The following DNAH6 variants were observed in gnomAD, a reference collection of about 807,000 sequenced individuals.
DNAH6 encodes the protein axonemal beta dynein heavy chain 6.
A neutral mutation model predicts 491.4 loss-of-function variants in DNAH6; 340 were observed. That is an observed-to-expected ratio of 0.69 (90% CI 0.63 to 0.76). The LOEUF is 0.76. Among genes scored for constraint, DNAH6 ranks in the 30% least tolerant of loss-of-function variants. DNAH6 has a pLI of 0.00. For synonymous variants in DNAH6, 1,603 were observed against 1,686.1 expected (o/e 0.95, Z 1.21); for missense variants, 4,443 against 4,972.2 (o/e 0.89, Z 3.20).
In DNAH6 at chr2:84,670,337, G is replaced by A. The variant is rs568827217; in HGVS notation, c.6316G>A (p.Ala2106Thr). The A allele has an allele frequency of 2.6e-6, 4 of 1,526,088 alleles. No homozygotes were observed. The African/African-American group carries it at 5.6e-5, about 21-fold the overall frequency. 94.5% of individuals were successfully genotyped at this position (1,526,088 alleles called of 1,614,324 possible). A position where few individuals can be genotyped will look rare whatever the true frequency, so the allele number is the denominator to read the frequency against. ...CTTATTTTAATTTAAGTCTGTGATT[G>A]CAAAAGGATTGCTAAATAAAATTCA... The part of the protein sequence containing the change: ...GITGVGKSVI[A>T]KGLLNKIQES... Residue 2106 changes from alanine (A) to threonine (T), a missense_variant, in exon 39 of 77, where the codon GCA becomes ACA. Physicochemically the swap from Ala to Thr is moderately conservative, Grantham distance 58 (BLOSUM62 0). This residue lies in a region of DNAH6 where 2,977 missense variants were observed against 3,296.6 expected (regional missense o/e 0.90). Transcript: ENST00000389394.
In DNAH6 at chr2:84,653,549, T is replaced by C. The variant is rs1690661426; in HGVS notation, c.5309T>C (p.Leu1770Ser). 6.4e-7 allele frequency: 1 copy of C among 1,551,248 alleles called. No homozygotes were observed. Among genetic ancestry groups the C allele is most frequent in the African/African-American group, 1.4e-5 (1 of 73,014 alleles). Reference protein sequence around the residue: ...TTVYRILAETLGNLQKLGIEN... With the variant: ...TTVYRILAETSGNLQKLGIEN... Reference sequence around the variant, plus strand: ...GTTTACCGAATACTAGCAGAAACTTTAGGGAATTTACAAAAACTTGGGATA... The same window carrying C: ...GTTTACCGAATACTAGCAGAAACTTCAGGGAATTTACAAAAACTTGGGATA... Residue 1770 changes from leucine to serine, a missense_variant, in exon 34 of 77, where the codon TTA becomes TCA. By Grantham distance (145) the Leu-to-Ser change is moderately radical. Coordinates refer to ENST00000389394, the MANE Select transcript of DNAH6 (RefSeq NM_001370.2).
chr2:84,461,784 C>G, the DNAH6 span, among the ~76,000 whole-genome samples: 1 of 152,116 alleles, frequency 6.6e-6, no homozygotes, highest in Non-Finnish European at 1.5e-5. Context: ...CTATTTGTCT[C>G]AAAACTTTGT....
At chr2:84,713,927 A>C (rs1434574987) in intron 57 of DNAH6, among the ~76,000 whole-genome samples, 1 of 152,062 alleles carries the variant, frequency 6.6e-6, no homozygotes, top group African/African-American at 2.4e-5. Context: ...CACTCCATAC[A>C]TATGTCCCTG....
At chr2:84,460,992 C>G in the DNAH6 span, among the ~76,000 whole-genome samples, 3 of 152,000 alleles carry the variant, frequency 2.0e-5, no homozygotes, top group Non-Finnish European at 2.9e-5. Context: ...ATTGGAGGTC[C>G]GAAGAAACTC....
In DNAH6 at chr2:84,577,924, A is replaced by G. The variant is rs966582294; in HGVS notation, c.2076+516A>G. Among the ~76,000 whole-genome samples the G allele has an allele frequency of 5.3e-5, 8 of 152,352 alleles. No homozygotes were observed. In the South Asian group the frequency reaches 6.2e-4, roughly 12 times the overall value. On this transcript the variant is annotated intron_variant, in intron 13 of 76. Transcript: ENST00000389394. The stretch of plus-strand genomic sequence containing the variant: ...AATGCCCACAGAAAGACAATGATAT[A>G]AAACAGGAATTGGAAAACTATAGCC...
chr2:84,814,971 CTT>C (rs1484666333), intron 75 of DNAH6, among the ~76,000 whole-genome samples: 1 of 152,252 alleles, frequency 6.6e-6, no homozygotes, highest in Non-Finnish European at 1.5e-5. Context: ...GTTTAAACAG[CTT>C]TATCTCTGTT....
intron 10 of DNAH6, among the ~76,000 whole-genome samples, chr2:84,554,701 G>A (rs1679848745): frequency 6.6e-6 from 1 of 152,244 alleles, no homozygotes; most frequent in Non-Finnish European, 1.5e-5. Context: ...ACAATGACAA[G>A]CAGACTACTG....
At chr2:84,670,507 A>C in intron 39 of DNAH6, 32 bp downstream of exon 39, 3 of 1,366,208 alleles carry the variant, frequency 2.2e-6, no homozygotes, top group Non-Finnish European at 3.0e-6. Flanking sequence ...TGTCCCACAC[A>C]AATTATTCAT....
intron 21 of DNAH6, among the ~76,000 whole-genome samples, chr2:84,610,851 G>A (rs1216408938): frequency 6.6e-6 from 1 of 152,156 alleles, no homozygotes; most frequent in South Asian, 2.1e-4. Flanking sequence ...GTGAAGGGAG[G>A]GACTACAGAT....
chr2:84,582,520 C>T (rs1683132204), intron 14 of DNAH6, among the ~76,000 whole-genome samples: 1 of 152,234 alleles, frequency 6.6e-6, no homozygotes, highest in Non-Finnish European at 1.5e-5. Flanking sequence ...GGCGCCATCT[C>T]AGCTCACTGC....
intron 61 of DNAH6, among the ~76,000 whole-genome samples, chr2:84,732,735 A>G (rs1699224685): frequency 6.6e-6 from 1 of 152,246 alleles, no homozygotes. Context: ...TACTGAAATC[A>G]TTAGATTATA....
At chr2:84,679,520 G>C (rs1250945360) in intron 41 of DNAH6, among the ~76,000 whole-genome samples, 1 of 152,180 alleles carries the variant, frequency 6.6e-6, no homozygotes, top group African/African-American at 2.4e-5. Flanking sequence ...TGAAAACCGT[G>C]ATCAGCTCCA....
chr2:84,740,249 T>C (rs946623941), intron 62 of DNAH6, among the ~76,000 whole-genome samples: 1 of 152,160 alleles, frequency 6.6e-6, no homozygotes, highest in African/African-American at 2.4e-5. Context: ...TAATTCAGGA[T>C]GCAGTCTAGT....
intron 4 of DNAH6, among the ~76,000 whole-genome samples, chr2:84,538,540 C>T (rs1677930346): frequency 6.6e-6 from 1 of 152,120 alleles, no homozygotes; most frequent in African/African-American, 2.4e-5. Flanking sequence ...AACAGGACAC[C>T]ATGTCTCCTA....
At chr2:84,664,928 C>G (rs935150999) in intron 37 of DNAH6, among the ~76,000 whole-genome samples, 1 of 152,146 alleles carries the variant, frequency 6.6e-6, no homozygotes. Flanking sequence ...CAAACTAGAG[C>G]TCAGGATTAA....
chr2:84,755,250 C>A (rs929685872), intron 63 of DNAH6, among the ~76,000 whole-genome samples: 5 of 152,176 alleles, frequency 3.3e-5, no homozygotes, highest in Non-Finnish European at 7.3e-5. Flanking sequence ...CAAGTTTGGG[C>A]CTCTCTTGCT....
rs1278565356 is a variant in DNAH6 at position 84,659,096 on chromosome 2, A to G, written c.6011A>G (p.Asn2004Ser). ...TGTTATTTGTGGTCTTTGGGTGGAAACCTAACTGAAAACTACTATGATTCT... is the reference window on the plus strand; with the variant it reads ...TGTTATTTGTGGTCTTTGGGTGGAAGCCTAACTGAAAACTACTATGATTCT... ...VFCYLWSLGG[N>S]LTENYYDSFD... The change falls in exon 37 of 77, where the codon AAC becomes AGC. Residue 2004 changes from asparagine (N) to serine (S), a missense_variant. Asn to Ser is a conservative substitution (Grantham distance 46, BLOSUM62 1). Transcript: ENST00000389394. 2 of 1,514,240 alleles carry G rather than the reference A, an allele frequency of 1.3e-6. No individual in the cohort carries two copies. The highest frequency in any genetic ancestry group is 8.9e-7 in the Non-Finnish European group (1 of 1,117,492). 93.8% of individuals were successfully genotyped at this position (1,514,240 alleles called of 1,614,324 possible).
At chr2:84,557,963 T>C (rs373849864) in intron 11 of DNAH6, 28 bp downstream of exon 11, 142 of 1,388,550 alleles carry the variant, frequency 1.0e-4, no homozygotes, top group Non-Finnish European at 1.3e-4. Flanking sequence ...AAAACTATTC[T>C]ATAATATTCT....
chr2:84,555,009 C>A (rs1679874667), intron 10 of DNAH6, among the ~76,000 whole-genome samples: 1 of 152,226 alleles, frequency 6.6e-6, no homozygotes, highest in Non-Finnish European at 1.5e-5. Context: ...AATTAGCATG[C>A]TTGTCTATTC....
Sources: allele counts gnomAD v4.1 joint callset (sites outside exome capture counted in the v4.1 genomes callset), GRCh38; gene constraint gnomAD v4.1.1; regional missense constraint gnomAD v4.1.1; transcripts MANE v1.5; gene names NCBI Gene and HGNC (gene_info 2026-07-23, HGNC 2026-07-21).